TMEM178B: variants seen among roughly 807,000 people sequenced by gnomAD.
TMEM178B encodes the protein transmembrane protein 178B.
Under a neutral mutation model 31.0 loss-of-function variants are expected in TMEM178B, and 5 were observed. The ratio of observed to expected loss-of-function variants is 0.16; its 90% CI spans 0.08 to 0.34. The LOEUF (loss-of-function observed/expected upper bound fraction) is 0.34, where lower values mean the gene tolerates loss of function less well. Among genes scored for constraint, TMEM178B ranks in the 10% least tolerant of loss-of-function variants. TMEM178B has a pLI of 1.00. For synonymous variants in TMEM178B, 164 were observed against 164.0 expected (o/e 1.00, Z 0.00); for missense variants, 275 against 400.3 (o/e 0.69, Z 2.67).
chr7:141,230,164 T>C lies in TMEM178B; in HGVS notation c.496+17460T>C, dbSNP rs1242865632. 2.0e-5 allele frequency among the ~76,000 whole-genome samples: 3 copies of C among 152,206 alleles called. No individual in the cohort carries two copies. In the East Asian group the frequency reaches 5.8e-4, roughly 29 times the overall value. ...TTGGGCCATTATAATAATGTTATAA[T>C]GATAATCCTTGTGCATAAATCTTTG... is the stretch of plus-strand genomic sequence containing the variant. On this transcript the variant is annotated intron_variant, in intron 2 of 3. Transcript: ENST00000565468.
intron 2 of TMEM178B, among the ~76,000 whole-genome samples, chr7:141,247,997 A>G (rs1797765692): frequency 1.3e-5 from 2 of 149,598 alleles, no homozygotes; most frequent in African/African-American, 2.5e-5. Context: ...GTGTCACTCA[A>G]TCCTCTGTTA....
intron 2 of TMEM178B, among the ~76,000 whole-genome samples, chr7:141,254,151 T>A (rs568223505): frequency 2.0e-5 from 3 of 152,370 alleles, no homozygotes; most frequent in Admixed American, 6.5e-5. Flanking sequence ...ATCTGCTTTG[T>A]TTCCTAAGTG....
chr7:141,397,006 T>G (rs1800669417), intron 2 of TMEM178B, among the ~76,000 whole-genome samples: 1 of 152,178 alleles, frequency 6.6e-6, no homozygotes, highest in African/African-American at 2.4e-5. Flanking sequence ...TTTTGTCCCA[T>G]GAGCATTGTT....
chr7:141,463,145 A>G (rs1422784484), intron 3 of TMEM178B, among the ~76,000 whole-genome samples: 1 of 152,164 alleles, frequency 6.6e-6, no homozygotes, highest in Non-Finnish European at 1.5e-5. Context: ...CTGAACTCTG[A>G]GCCAATGCCA....
chr7:141,322,952 A>AT (rs1799126701), intron 2 of TMEM178B, among the ~76,000 whole-genome samples: 1 of 152,072 alleles, frequency 6.6e-6, no homozygotes, highest in Non-Finnish European at 1.5e-5. Context: ...TCTGGTCCTG[A>AT]TTTTTTAAAT....
intron 1 of TMEM178B, among the ~76,000 whole-genome samples, chr7:141,090,811 A>G (rs942234236): frequency 6.6e-6 from 1 of 152,194 alleles, no homozygotes; most frequent in African/African-American, 2.4e-5. Flanking sequence ...CCAGGTTAAC[A>G]ATATGTGAGA....
intron 1 of TMEM178B, among the ~76,000 whole-genome samples, chr7:141,122,530 C>T (rs779044075): frequency 5.9e-5 from 9 of 152,204 alleles, no homozygotes; most frequent in Non-Finnish European, 1.2e-4. Context: ...CCATCCTGTC[C>T]TAGGAATGGT....
At chr7:141,184,751 C>A (rs925511918) in intron 1 of TMEM178B, among the ~76,000 whole-genome samples, 1 of 152,224 alleles carries the variant, frequency 6.6e-6, no homozygotes, top group Non-Finnish European at 1.5e-5. Flanking sequence ...ATCCCCCTCT[C>A]CTCACTATGA....
chr7:141,309,679 A>G (rs1798875157), intron 2 of TMEM178B, among the ~76,000 whole-genome samples: 1 of 152,194 alleles, frequency 6.6e-6, no homozygotes, highest in Admixed American at 6.5e-5. Flanking sequence ...CAAATTACCT[A>G]TCCGTGTCTT....
At chr7:141,329,471 T>G (rs73737791) in intron 2 of TMEM178B, among the ~76,000 whole-genome samples, 14,311 of 152,180 alleles carry the variant, frequency 0.094, 1,454 homozygotes, top group African/African-American at 0.26. Context: ...TCATCATCCT[T>G]TTGTCCCGAG....
rs1168820198 is a variant in TMEM178B at position 141,318,752 on chromosome 7, A to G, written c.496+106048A>G. On this transcript the variant is annotated intron_variant, in intron 2 of 3. Transcript: ENST00000565468. The surrounding 1 kb of genome is among the most constrained non-coding windows in gnomAD (Gnocchi z 4.1). ...CCTTATAGAGAGCAACAACAGTTCTATCACATGTGCTAAGAATAATACTGT... is the reference window on the plus strand; with the variant it reads ...CCTTATAGAGAGCAACAACAGTTCTGTCACATGTGCTAAGAATAATACTGT... 3.3e-5 allele frequency among the ~76,000 whole-genome samples: 5 copies of G among 152,236 alleles called. No individual in the cohort carries two copies. Among genetic ancestry groups the G allele is most frequent in the African/African-American group, 7.2e-5 (3 of 41,460 alleles).
chr7:141,076,419 A>G (rs1032871565), intron 1 of TMEM178B, among the ~76,000 whole-genome samples: 4 of 152,242 alleles, frequency 2.6e-5, no homozygotes, highest in Non-Finnish European at 5.9e-5. Context: ...GTTGAAGGAT[A>G]TTCTTACTTT....
intron 1 of TMEM178B, among the ~76,000 whole-genome samples, chr7:141,105,810 T>C (rs1456322560): frequency 6.6e-6 from 1 of 152,060 alleles, no homozygotes; most frequent in Non-Finnish European, 1.5e-5. Flanking sequence ...ATGATTAGTT[T>C]GGGGCCAGGC....
chr7:141,250,273 T>C (rs1797808472), intron 2 of TMEM178B, among the ~76,000 whole-genome samples: 2 of 152,340 alleles, frequency 1.3e-5, no homozygotes, highest in South Asian at 2.1e-4. Flanking sequence ...CACTGATTTA[T>C]TGAATCTTCA....
intron 1 of TMEM178B, among the ~76,000 whole-genome samples, chr7:141,164,121 A>G (rs1243433582): frequency 6.6e-6 from 1 of 152,164 alleles, no homozygotes; most frequent in Non-Finnish European, 1.5e-5. Context: ...AATAGTACAC[A>G]TTTTCCTTTG....
At chr7:141,080,413 G>T (rs1304819089) in intron 1 of TMEM178B, among the ~76,000 whole-genome samples, 1 of 152,212 alleles carries the variant, frequency 6.6e-6, no homozygotes, top group East Asian at 1.9e-4. Flanking sequence ...GAGGTCAAGA[G>T]ATTGAGACCA....
intron 2 of TMEM178B, among the ~76,000 whole-genome samples, chr7:141,427,095 A>G (rs929123976): frequency 6.6e-6 from 1 of 152,212 alleles, no homozygotes; most frequent in South Asian, 2.1e-4. Flanking sequence ...TTCCATGTTC[A>G]TGGATTGGAA....
intron 2 of TMEM178B, among the ~76,000 whole-genome samples, chr7:141,238,022 T>TAA (rs1207360561): frequency 9.0e-5 from 10 of 111,670 alleles, no homozygotes; most frequent in African/African-American, 2.2e-4. Context: ...AGACTCTGTC[T>TAA]AAAAAAAAAA....
chr7:141,117,467 A>G (rs1795337257), intron 1 of TMEM178B, among the ~76,000 whole-genome samples: 1 of 151,868 alleles, frequency 6.6e-6, no homozygotes. Context: ...TTGCCTGTTC[A>G]CTCTGATGAT....
Sources: allele counts gnomAD v4.1 joint callset (sites outside exome capture counted in the v4.1 genomes callset), GRCh38; gene constraint gnomAD v4.1.1; non-coding constraint Gnocchi (gnomAD v3.1); transcripts MANE v1.5; gene names NCBI Gene and HGNC (gene_info 2026-07-23, HGNC 2026-07-21).